AK5: variants seen among roughly 807,000 people sequenced by gnomAD.
AK5 encodes the protein adenylate kinase 5, also known as adenylate kinase isoenzyme 5.
Under a neutral mutation model 69.5 loss-of-function variants are expected in AK5, and 27 were observed. The observed-to-expected ratio is 0.39, with a 90% CI of 0.29 to 0.54. The LOEUF (loss-of-function observed/expected upper bound fraction) is 0.54, where lower values mean the gene tolerates loss of function less well. Ranked by LOEUF, AK5 falls within the 20% of genes least tolerant of loss-of-function variation. The probability of loss-of-function intolerance (pLI) is 0.71; values close to 1 mark genes in which losing one functional copy is unlikely to be tolerated. For synonymous variants in AK5, 260 were observed against 244.4 expected, an observed-to-expected ratio of 1.06 and a Z score of -0.60; for missense variants, 531 against 700.4, an observed-to-expected ratio of 0.76 and a Z score of 2.73.
At chr1:77,433,285 C>G (rs1469403541) in intron 8 of AK5, among the ~76,000 whole-genome samples, 1 of 152,132 alleles carries the variant, frequency 6.6e-6, no homozygotes, top group African/African-American at 2.4e-5. Flanking sequence ...AACATTCTCT[C>G]TATAGTCATC....
At chr1:77,387,334 T>C (rs997619346) in intron 6 of AK5, among the ~76,000 whole-genome samples, 17 of 152,164 alleles carry the variant, frequency 1.1e-4, no homozygotes, top group African/African-American at 3.6e-4. Context: ...ATTAGAATGT[T>C]AAAGATACAA....
intron 13 of AK5, among the ~76,000 whole-genome samples, chr1:77,556,940 G>A (rs747187006): frequency 1.8e-4 from 27 of 151,540 alleles, no homozygotes; most frequent in Non-Finnish European, 3.4e-4. Flanking sequence ...ACCACCGCCC[G>A]CCCCCCACAT....
At chr1:77,304,760 G>C (rs1455675052) in intron 5 of AK5, among the ~76,000 whole-genome samples, 5 of 152,162 alleles carry the variant, frequency 3.3e-5, no homozygotes, top group African/African-American at 1.2e-4. Context: ...TAGTTTGCTT[G>C]CAAATCTTAG....
intron 8 of AK5, among the ~76,000 whole-genome samples, chr1:77,443,849 G>C (rs1652493733): frequency 6.6e-6 from 1 of 151,554 alleles, no homozygotes; most frequent in South Asian, 2.1e-4. Context: ...ATGATGTTAA[G>C]AGATACATCT....
chr1:77,428,651 G>A (rs1055611904), intron 8 of AK5, among the ~76,000 whole-genome samples: 19 of 151,608 alleles, frequency 1.3e-4, no homozygotes, highest in African/African-American at 1.9e-4. Flanking sequence ...TGTGCACAAC[G>A]TGCAGGTTAG....
chr1:77,521,127 A>G (rs1362582221), intron 11 of AK5, among the ~76,000 whole-genome samples: 1 of 152,114 alleles, frequency 6.6e-6, no homozygotes, highest in African/African-American at 2.4e-5. Context: ...AAAAAAGTTA[A>G]CAGTAAGATA....
intron 11 of AK5, among the ~76,000 whole-genome samples, chr1:77,519,118 T>C (rs1657836332): frequency 6.6e-6 from 1 of 152,216 alleles, no homozygotes; most frequent in South Asian, 2.1e-4. Context: ...GGAGGTATGA[T>C]TATCTTGAAA....
chr1:77,423,239 A>AAG (rs1553148963), intron 8 of AK5, among the ~76,000 whole-genome samples: 11 of 148,368 alleles, frequency 7.4e-5, no homozygotes, highest in Admixed American at 1.4e-4. Flanking sequence ...AATAAAAAAA[A>AAG]AAGAAGAACT....
intron 8 of AK5, among the ~76,000 whole-genome samples, chr1:77,444,195 G>GCA (rs376137453): frequency 9.2e-6 from 1 of 108,228 alleles, no homozygotes; most frequent in Non-Finnish European, 1.9e-5. Flanking sequence ...CAGATAAGTG[G>GCA]TATATATATA....
chr1:77,410,923 G>A (rs1266267155), intron 6 of AK5, 58 bp from the exon 7 acceptor site: 1 of 1,358,418 alleles, frequency 7.4e-7, no homozygotes, highest in East Asian at 2.3e-5. Context: ...TTATATTTTT[G>A]AATTAACTAA....
intron 5 of AK5, among the ~76,000 whole-genome samples, chr1:77,339,898 GTGT>G (rs1282145050): frequency 6.6e-6 from 1 of 152,000 alleles, no homozygotes; most frequent in Non-Finnish European, 1.5e-5. Context: ...GAAATTACAG[GTGT>G]GAGCCACCAC....
At chr1:77,369,520 G>A (rs930586725) in intron 6 of AK5, among the ~76,000 whole-genome samples, 2 of 152,020 alleles carry the variant, frequency 1.3e-5, no homozygotes, top group Non-Finnish European at 2.9e-5. Context: ...TAGTAATACA[G>A]TCCTCTGTTG....
Position 77,340,560 on chromosome 1 carries a change from A to G in AK5, c.883A>G (p.Ile295Val), listed in dbSNP as rs769776955. 6.2e-6 allele frequency: 10 copies of G among 1,613,448 alleles called. No individual in the cohort carries two copies. The East Asian group carries it at 2.0e-4, about 32-fold the overall frequency. ...LVKYFQEKGLIMTFDADRDED... is the reference protein window; with the variant it reads ...LVKYFQEKGLVMTFDADRDED... ...TAAATACTTCCAGGAAAAGGGGCTCATCATGACAGTAAGTTAGCTCGACTT... is the reference window on the plus strand; with the variant it reads ...TAAATACTTCCAGGAAAAGGGGCTCGTCATGACAGTAAGTTAGCTCGACTT... Residue 295 changes from isoleucine to valine, a missense_variant, in exon 6 of 14, where the codon ATC becomes GTC. Ile to Val is a conservative substitution (Grantham distance 29, BLOSUM62 3). Transcript: ENST00000354567.
At chr1:77,353,587 T>C (rs1459547374) in intron 6 of AK5, among the ~76,000 whole-genome samples, 2 of 152,234 alleles carry the variant, frequency 1.3e-5, no homozygotes, top group African/African-American at 4.8e-5. Context: ...AGATAAACTC[T>C]AAACTGCGCA....
intron 10 of AK5, among the ~76,000 whole-genome samples, chr1:77,488,724 C>T (rs58397190): frequency 0.047 from 7,090 of 152,028 alleles, 348 homozygotes; most frequent in East Asian, 0.2. Context: ...GTAGGCCAGT[C>T]TCTCCTTTTC....
At chr1:77,441,223 T>C (rs1235491531) in intron 8 of AK5, among the ~76,000 whole-genome samples, 1 of 151,148 alleles carries the variant, frequency 6.6e-6, no homozygotes, top group Admixed American at 6.6e-5. Flanking sequence ...GAATTGTCCA[T>C]CTGTATTTTC....
chr1:77,282,778 C>G, intron 1 of AK5: 2 of 1,002,174 alleles, frequency 2.0e-6, no homozygotes, highest in Non-Finnish European at 2.4e-6. Flanking sequence ...AGCCAGAGCC[C>G]TAGTCACTCT....
intron 8 of AK5, among the ~76,000 whole-genome samples, chr1:77,475,778 T>G (rs1189072592): frequency 6.6e-6 from 1 of 151,748 alleles, no homozygotes; most frequent in East Asian, 1.9e-4. Flanking sequence ...AACATTAACT[T>G]TACATGAAAT....
intron 6 of AK5, among the ~76,000 whole-genome samples, chr1:77,376,433 C>CAAAA (rs757594684): frequency 0.11 from 1,522 of 13,300 alleles, 140 homozygotes; most frequent in Non-Finnish European, 0.15. Context: ...CACTCAATGC[C>CAAAA]AAAAAAAAAA....
Sources: allele counts gnomAD v4.1 joint callset (sites outside exome capture counted in the v4.1 genomes callset), GRCh38; gene constraint gnomAD v4.1.1; transcripts MANE v1.5; gene names NCBI Gene and HGNC (gene_info 2026-07-23, HGNC 2026-07-21).